The following QPCTL variants were observed in gnomAD, a reference collection of about 807,000 sequenced individuals.
The protein encoded by QPCTL is glutaminyl-peptide cyclotransferase like, also known as glutaminyl-peptide cyclotransferase-like protein.
Under a neutral mutation model 34.6 loss-of-function variants are expected in QPCTL, and 31 were observed. The observed-to-expected ratio is 0.90, with a 90% CI of 0.67 to 1.21. The LOEUF (loss-of-function observed/expected upper bound fraction) is 1.21. Ranked by LOEUF, QPCTL falls within the 50% of genes most tolerant of loss-of-function variation. The probability of loss-of-function intolerance (pLI) is 0.00; values close to 1 mark genes in which losing one functional copy is unlikely to be tolerated. For synonymous variants in QPCTL, 223 were observed against 226.9 expected (o/e 0.98, Z 0.15); for missense variants, 474 against 507.8 (o/e 0.93, Z 0.64).
Position 45,703,021 on chromosome 19 carries a change from T to C in QPCTL, c.1121T>C (p.Val374Ala). The change falls in exon 7 of 7, where the codon GTG becomes GCG. Residue 374 changes from valine (V) to alanine (A), a missense_variant. Physicochemically the swap from Val to Ala is moderately conservative, Grantham distance 64 (BLOSUM62 0). Transcript: ENST00000012049. ...CACAACTTGTGCCGCATTCTCGCTG[T>C]GTTCCTGGCTGAATACCTGGGGCTC... The part of the protein sequence containing the change: ...TVHNLCRILA[V>A]FLAEYLGL 2 of 1,614,186 alleles carry C rather than the reference T, an allele frequency of 1.2e-6. No homozygotes were observed. The highest frequency in any genetic ancestry group is 1.7e-6 in the Non-Finnish European group (2 of 1,180,030).
intron 5 of QPCTL, among the ~76,000 whole-genome samples, chr19:45,700,568 G>A (rs1362555607): frequency 6.6e-6 from 1 of 152,098 alleles, no homozygotes; most frequent in African/African-American, 2.4e-5. Context: ...TACCAGACAG[G>A]GGCTCTAAGG....
intron 2 of QPCTL, among the ~76,000 whole-genome samples, chr19:45,694,370 C>A (rs1967647527): frequency 6.6e-6 from 1 of 151,902 alleles, no homozygotes; most frequent in Admixed American, 6.6e-5. Context: ...CAGAGCGAGA[C>A]TCCATCTCAA....
chr19:45,700,215 G>C (rs578058919), intron 5 of QPCTL, among the ~76,000 whole-genome samples: 1 of 152,172 alleles, frequency 6.6e-6, no homozygotes, highest in African/African-American at 2.4e-5. Flanking sequence ...GGGAGACTAA[G>C]GTAGGTGGAT....
chr19:45,695,342 C>A, intron 2 of QPCTL, 95 bp from the exon 3 acceptor site: 1 of 1,167,042 alleles, frequency 8.6e-7, no homozygotes, highest in Non-Finnish European at 1.2e-6. Flanking sequence ...GCTTTAGTGT[C>A]AACCCATCTG....
Position 45,692,679 on chromosome 19 carries a change from G to A in QPCTL, c.-25G>A, listed in dbSNP as rs772089475. The A allele has an allele frequency of 4.6e-6, 7 of 1,507,268 alleles. No homozygotes were observed. Among genetic ancestry groups the A allele is most frequent in the African/African-American group, 1.4e-5 (1 of 70,456 alleles). The allele number at this position is 1,507,268 out of a possible 1,614,324, so 93.4% of individuals were successfully genotyped here. A position where few individuals can be genotyped will look rare whatever the true frequency, so the allele number is the denominator to read the frequency against. ...GGGCCTAAACTCAATCCGTGGTCTG[G>A]TACAGGTTTCAGGGCAAAGCGGCCA... On this transcript the variant is annotated 5_prime_UTR_variant, in exon 1 of 7. Transcript: ENST00000012049.
Position 45,692,927 on chromosome 19 carries a change from A to AC in QPCTL, c.207+20dup. On this transcript the variant is annotated intron_variant, in intron 1 of 6. Coordinates refer to ENST00000012049, the MANE Select transcript of QPCTL (RefSeq NM_017659.4). ...GAGCTGCGGGTGAGGCTGGGCGGGG[A>AC]CCCGGGCACCGCGGGGACCCTCATT... is the stretch of plus-strand genomic sequence containing the variant. The AC allele has an allele frequency of 2.0e-6, 3 of 1,528,226 alleles. No individual in the cohort carries two copies. Among genetic ancestry groups the AC allele is most frequent in the Non-Finnish European group, 2.6e-6 (3 of 1,141,972 alleles). The allele number at this position is 1,528,226 out of a possible 1,614,324, so 94.7% of individuals were successfully genotyped here.
At position 45,702,981 on chromosome 19, in the gene QPCTL, C is replaced by T. The variant is rs935689777; in HGVS notation, c.1081C>T (p.His361Tyr). ...CCCTGCGGACACCGAGGTCAATCTC[C>T]ACCCACCCACGGTACACAACTTGTG... is the stretch of plus-strand genomic sequence containing the variant. ...HTPADTEVNL[H>Y]PPTVHNLCRI... The change falls in exon 7 of 7, where the codon CAC becomes TAC. Residue 361 changes from histidine (H) to tyrosine (Y), a missense_variant. Transcript: ENST00000012049. 6.8e-6 allele frequency: 11 copies of T among 1,613,922 alleles called. No individual in the cohort carries two copies. In the African/African-American group the frequency reaches 1.5e-4, roughly 22 times the overall value.
chr19:45,701,007 GCCTGTA>G (rs2146132221), intron 5 of QPCTL, among the ~76,000 whole-genome samples: 1 of 150,540 alleles, frequency 6.6e-6, no homozygotes, highest in South Asian at 2.1e-4. Flanking sequence ...AGTGGCTCAT[GCCTGTA>G]GTCCCAGAAA....
At position 45,693,410 on chromosome 19, in the gene QPCTL, A is replaced by G. The variant is rs866533740; in HGVS notation, c.208-3A>G. 6.2e-7 allele frequency: 1 copy of G among 1,608,480 alleles called. No individual in the cohort carries two copies. On this transcript the variant is annotated splice_polypyrimidine_tract_variant and splice_region_variant and intron_variant, in intron 1 of 6. Coordinates refer to ENST00000012049, the MANE Select transcript of QPCTL (RefSeq NM_017659.4). The stretch of plus-strand genomic sequence containing the variant: ...CCCTTCCCTATCCCACCTCCTTCCC[A>G]AGGTCCCATTGATCGGAAGCCTCCC...
intron 3 of QPCTL, among the ~76,000 whole-genome samples, chr19:45,697,572 C>G (rs1033735414): frequency 6.6e-6 from 1 of 152,162 alleles, no homozygotes; most frequent in Non-Finnish European, 1.5e-5. Flanking sequence ...ACCTTCCGTA[C>G]CCCTCTCAAA....
chr19:45,693,150 C>T (rs763204505), intron 1 of QPCTL, among the ~76,000 whole-genome samples: 3 of 152,014 alleles, frequency 2.0e-5, no homozygotes, highest in Non-Finnish European at 4.4e-5. Flanking sequence ...CGCCTTTAGT[C>T]AACTATTTGG....
chr19:45,702,142 A>G (rs1967822577), intron 6 of QPCTL, among the ~76,000 whole-genome samples: 1 of 152,154 alleles, frequency 6.6e-6, no homozygotes, highest in South Asian at 2.1e-4. Context: ...AGCACCCAGC[A>G]CATAGCAAGC....
chr19:45,694,919 T>C (rs1272722877), intron 2 of QPCTL, among the ~76,000 whole-genome samples: 2 of 152,066 alleles, frequency 1.3e-5, no homozygotes, highest in African/African-American at 4.8e-5. Context: ...CTTGCTGGCT[T>C]CAAGAGGTGG....
chr19:45,701,985 T>A, intron 6 of QPCTL, 71 bp downstream of exon 6: 2 of 1,263,674 alleles, frequency 1.6e-6, no homozygotes, highest in Non-Finnish European at 2.3e-6. Flanking sequence ...CCAAGTCCCC[T>A]TCCCAGGGCT....
chr19:45,692,844 G>A lies in QPCTL; in HGVS notation c.141G>A (p.Ala47=). Residue 47 remains alanine, a synonymous_variant, in exon 1 of 7, where the codon GCG becomes GCA. Transcript: ENST00000012049. ...PLLLALAVGS[A]FYTIWSGWHR... is the part of the protein sequence containing the mutation. ...TGCTGGCGCTGGCCGTGGGCTCGGC[G>A]TTCTACACCATTTGGAGCGGCTGGC... 1 of 1,562,908 alleles carries A rather than the reference G, an allele frequency of 6.4e-7. No individual in the cohort carries two copies. Among genetic ancestry groups the A allele is most frequent in the Non-Finnish European group, 8.7e-7 (1 of 1,154,108 alleles).
Position 45,703,638 on chromosome 19 carries a change from T to C in QPCTL, c.*589T>C, listed in dbSNP as rs1054691524. 2.6e-5 allele frequency: 4 copies of C among 152,148 alleles called. 1 individual carries two copies. The highest frequency in any genetic ancestry group is 3.4e-3 in the Middle Eastern group (1 of 294). The allele number at this position is 152,148 out of a possible 1,614,324, so 9.4% of individuals were successfully genotyped here. A position where few individuals can be genotyped will look rare whatever the true frequency, so the allele number is the denominator to read the frequency against. ...GCCACCGCACCTGGCAAAATGCTGT[T>C]CTTTAAGTCAGCGAACTGAAAAAGT... On this transcript the variant is annotated 3_prime_UTR_variant, in exon 7 of 7. Coordinates refer to ENST00000012049, the MANE Select transcript of QPCTL (RefSeq NM_017659.4).
intron 3 of QPCTL, 65 bp downstream of exon 3, chr19:45,695,783 C>T: frequency 2.7e-6 from 4 of 1,477,874 alleles, no homozygotes; most frequent in Non-Finnish European, 3.6e-6. Flanking sequence ...CCCACCCTCC[C>T]TTGCCTGGAC....
rs911740082 is a variant in QPCTL, at chr19:45,697,383, G to A, written c.634-1164G>A. ...AGAGTTTGCAGTGAGCCGAGATCGC[G>A]CCACTGTACGCCAGCCTGGGCGATA... is the stretch of plus-strand genomic sequence containing the variant. On this transcript the variant is annotated intron_variant, in intron 3 of 6. Coordinates refer to ENST00000012049, the MANE Select transcript of QPCTL (RefSeq NM_017659.4). Among the ~76,000 whole-genome samples the A allele has an allele frequency of 6.4e-4, 86 of 134,778 alleles. 1 individual carries two copies. The highest frequency in any genetic ancestry group is 2.0e-3 in the African/African-American group (73 of 36,372). 88.4% of individuals were successfully genotyped at this position (134,778 alleles called of 152,430 possible). A position where few individuals can be genotyped will look rare whatever the true frequency, so the allele number is the denominator to read the frequency against.
chr19:45,694,362 G>A (rs957959080), intron 2 of QPCTL, among the ~76,000 whole-genome samples: 1 of 151,974 alleles, frequency 6.6e-6, no homozygotes, highest in Non-Finnish European at 1.5e-5. Context: ...ATGGGTGACA[G>A]AGCGAGACTC....
Sources: allele counts gnomAD v4.1 joint callset (sites outside exome capture counted in the v4.1 genomes callset), GRCh38; gene constraint gnomAD v4.1.1; transcripts MANE v1.5; gene names NCBI Gene and HGNC (gene_info 2026-07-23, HGNC 2026-07-21).